ELL2: variants seen among roughly 807,000 people sequenced by gnomAD.
ELL2 encodes elongation factor for RNA polymerase II 2.
Under a neutral mutation model 72.8 loss-of-function variants are expected in ELL2, and 21 were observed. The ratio of observed to expected loss-of-function variants is 0.29; its 90% CI spans 0.20 to 0.42. The LOEUF is 0.42. ELL2 is among the 10% of genes least tolerant of loss of function. The pLI, the probability that ELL2 is intolerant of heterozygous loss-of-function variation, is 1.00. For synonymous variants in ELL2, 266 were observed against 283.2 expected (o/e 0.94, Z 0.61); for missense variants, 568 against 772.8 (o/e 0.73, Z 3.14).
intron 3 of ELL2, among the ~76,000 whole-genome samples, chr5:95,915,819 T>C (rs113707249): frequency 6.6e-6 from 1 of 151,734 alleles, no homozygotes; most frequent in African/African-American, 2.4e-5. Context: ...CCAAAGAAAG[T>C]TGGGAAGGAC....
intron 1 of ELL2, among the ~76,000 whole-genome samples, chr5:95,947,197 TA>T (rs942404598): frequency 6.2e-4 from 90 of 145,060 alleles, no homozygotes; most frequent in Admixed American, 5.5e-4. Context: ...CGTGCTCAGC[TA>T]AAAAAAAAAA....
intron 11 of ELL2, 28 bp downstream of exon 11, chr5:95,889,058 T>G: frequency 6.2e-7 from 1 of 1,600,118 alleles, no homozygotes; most frequent in Non-Finnish European, 8.5e-7. Context: ...CAACCACAGG[T>G]CAGAAAATCA....
In ELL2 at chr5:95,913,906, C is replaced by T; in HGVS notation, c.346G>A (p.Gly116Arg). The change falls in exon 4 of 12, where the codon GGA (glycine) becomes AGA (arginine). Residue 116 changes from glycine (G) to arginine (R), a missense_variant. Gly to Arg is a moderately radical substitution (Grantham distance 125). Transcript: ENST00000237853. ...ACTGTAATTTTATCTTGTATAAATC[C>T]CAGGCAATTGAGCTGGGAGGCTCCA... ...SSGASQLNCL[G>R]FIQDKITVCA... 2 of 1,609,614 alleles carry T rather than the reference C, an allele frequency of 1.2e-6. No homozygotes were observed. The highest frequency in any genetic ancestry group is 8.5e-7 in the Non-Finnish European group (1 of 1,178,286).
intron 6 of ELL2, 37 bp downstream of exon 6, chr5:95,900,919 G>T (rs767655564): frequency 2.2e-5 from 35 of 1,575,666 alleles, no homozygotes; most frequent in Non-Finnish European, 2.9e-5. Context: ...AATTTTTAAA[G>T]AAACATTTTT....
At chr5:95,948,429 C>CAAAAAAA (rs1187881368) in intron 1 of ELL2, among the ~76,000 whole-genome samples, 571 of 35,208 alleles carry the variant, frequency 0.016, 103 homozygotes, top group African/African-American at 0.053. Context: ...GACTCCGCCT[C>CAAAAAAA]AAAAAAAAAA....
At chr5:95,930,341 C>T (rs1166404463) in intron 2 of ELL2, among the ~76,000 whole-genome samples, 1 of 152,190 alleles carries the variant, frequency 6.6e-6, no homozygotes, top group African/African-American at 2.4e-5. Flanking sequence ...CTGCAGTCAG[C>T]AGCAGTTGTG....
chr5:95,917,557 G>A (rs546865037), intron 3 of ELL2, among the ~76,000 whole-genome samples: 16 of 152,320 alleles, frequency 1.1e-4, no homozygotes, highest in Non-Finnish European at 1.3e-4. Context: ...AGCTTGCCAG[G>A]CTGTGAAGTG....
chr5:95,897,318 T>C (rs955484891), intron 8 of ELL2, among the ~76,000 whole-genome samples: 1 of 152,264 alleles, frequency 6.6e-6, no homozygotes, highest in Non-Finnish European at 1.5e-5. Flanking sequence ...TCCAAAGCCA[T>C]ATTTTCCTAT....
chr5:95,909,040 G>A lies in ELL2; in HGVS notation c.482-2258C>T, dbSNP rs879720573. ...GGTGCCCTACCTCCTCTGTACCTCT[G>A]ATTCACCTCTGATCCTTATCTCAGG... On this transcript the variant is annotated intron_variant, in intron 4 of 11. Transcript: ENST00000237853. Among the ~76,000 whole-genome samples, 5 of 152,260 alleles carry A rather than the reference G, an allele frequency of 3.3e-5. No individual in the cohort carries two copies. The East Asian group carries it at 9.6e-4, about 29-fold the overall frequency.
chr5:95,927,331 A>C (rs2112322733), intron 2 of ELL2, among the ~76,000 whole-genome samples: 1 of 148,854 alleles, frequency 6.7e-6, no homozygotes, highest in African/African-American at 2.5e-5. Context: ...GCCTGGAAGA[A>C]TGGAATTGTT....
At position 95,950,945 on chromosome 5, in the gene ELL2, TATA is replaced by T. The variant is rs1561515517; in HGVS notation, c.148-7899_148-7897del. ...ATATATATATATATATATATATATA[TATA>T]TATATAAAATCTTCATATATATGGT... is the stretch of plus-strand genomic sequence containing the variant. On this transcript the variant is annotated intron_variant, in intron 1 of 11. Transcript: ENST00000237853. 6.5e-4 allele frequency among the ~76,000 whole-genome samples: 68 copies of T among 104,622 alleles called. 1 individual carries two copies. The East Asian group carries it at 0.021, about 32-fold the overall frequency. 68.6% of individuals were successfully genotyped at this position (104,622 alleles called of 152,430 possible).
intron 1 of ELL2, among the ~76,000 whole-genome samples, chr5:95,946,940 G>C (rs1751180232): frequency 6.6e-6 from 1 of 152,122 alleles, no homozygotes; most frequent in South Asian, 2.1e-4. Context: ...TGAGTACCTG[G>C]AAAATGAATG....
intron 10 of ELL2, among the ~76,000 whole-genome samples, chr5:95,889,505 T>C (rs774524151): frequency 2.0e-5 from 3 of 152,222 alleles, no homozygotes; most frequent in Non-Finnish European, 4.4e-5. Flanking sequence ...AAAAATTCTC[T>C]AAGATGCATT....
chr5:95,900,517 C>G (rs1749093639), intron 7 of ELL2, 176 bp downstream of exon 7: 1 of 471,168 alleles, frequency 2.1e-6, no homozygotes, highest in South Asian at 5.1e-5. Context: ...GGAGAAAGTT[C>G]TGGGCTGGAA....
At chr5:95,893,793 G>C (rs536983087) in intron 9 of ELL2, among the ~76,000 whole-genome samples, 1 of 152,178 alleles carries the variant, frequency 6.6e-6, no homozygotes, top group African/African-American at 2.4e-5. Context: ...ACTATTTTTA[G>C]AAAATTTGCT....
chr5:95,948,565 T>C (rs1751264577), intron 1 of ELL2, among the ~76,000 whole-genome samples: 1 of 151,714 alleles, frequency 6.6e-6, no homozygotes, highest in African/African-American at 2.4e-5. Context: ...TATAAGCAAA[T>C]GTCTAAAGCA....
intron 1 of ELL2, among the ~76,000 whole-genome samples, chr5:95,961,002 C>A (rs535274679): frequency 6.6e-6 from 1 of 151,900 alleles, no homozygotes; most frequent in Non-Finnish European, 1.5e-5. Context: ...GAGTCCCCAT[C>A]CCTTCGAGCA....
At chr5:95,961,240 C>G (rs1485459555) in intron 1 of ELL2, among the ~76,000 whole-genome samples, 1 of 152,074 alleles carries the variant, frequency 6.6e-6, no homozygotes, top group African/African-American at 2.4e-5. Flanking sequence ...TCTCACTTCT[C>G]TTATCGGGGC....
chr5:95,951,380 A>AAAATAAAATAAATAAAT (rs1751395303), intron 1 of ELL2, among the ~76,000 whole-genome samples: 1 of 151,324 alleles, frequency 6.6e-6, no homozygotes, highest in African/African-American at 2.4e-5. Context: ...AAAATAAAAT[A>AAAATAAAATAAATAAAT]AAATAAATAA....
Sources: allele counts gnomAD v4.1 joint callset (sites outside exome capture counted in the v4.1 genomes callset), GRCh38; gene constraint gnomAD v4.1.1; transcripts MANE v1.5; gene names NCBI Gene and HGNC (gene_info 2026-07-23, HGNC 2026-07-21).